STK35: variants seen among roughly 807,000 people sequenced by gnomAD.
The protein encoded by STK35 is serine/threonine kinase 35, also known as serine/threonine-protein kinase 35.
STK35 carries 17 observed loss-of-function variants against 37.3 expected under a neutral mutation model. The observed-to-expected ratio is 0.46, with a 90% confidence interval of 0.31 to 0.68. The LOEUF (loss-of-function observed/expected upper bound fraction) is 0.68, where lower values mean the gene tolerates loss of function less well. Among genes scored for constraint, STK35 ranks in the 30% least tolerant of loss-of-function variants. The pLI is 0.05. For missense variants in STK35, 595 were observed against 746.7 expected (o/e 0.80, Z 2.37); for synonymous variants, 385 against 319.1 (o/e 1.21, Z -2.20).
rs1042208949 is a variant in STK35 at position 2,102,969 on chromosome 20, C to CCGG, written c.507_509dup (p.Ala170dup). Reference sequence around the variant, plus strand: ...GCGGGCGCCCAGCACGAAGCTGAGGCCGGCGGCGGCGGCCCGGGCCATGGA... The same window carrying CCGG: ...GCGGGCGCCCAGCACGAAGCTGAGGCCGGCGGCGGCGGCGGCCCGGGCCATGGA... On this transcript the variant is annotated inframe_insertion, in exon 2 of 4. Coordinates refer to ENST00000381482, the MANE Select transcript of STK35 (RefSeq NM_080836.4). 66 of 1,431,668 alleles carry CCGG rather than the reference C, an allele frequency of 4.6e-5. No homozygotes were observed. The highest frequency in any genetic ancestry group is 8.5e-5 in the South Asian group (6 of 70,228). 88.7% of individuals were successfully genotyped at this position (1,431,668 alleles called of 1,614,324 possible).
intron 3 of STK35, among the ~76,000 whole-genome samples, chr20:2,141,959 T>G (rs191621321): frequency 2.9e-3 from 442 of 152,346 alleles, no homozygotes; most frequent in Non-Finnish European, 5.1e-3. Flanking sequence ...TAGGTTTATC[T>G]GTTAAGCTTG....
chr20:2,133,754 CT>C (rs11366861), intron 3 of STK35, among the ~76,000 whole-genome samples: 1,729 of 152,272 alleles, frequency 0.011, 37 homozygotes, highest in African/African-American at 0.04. Context: ...AATACTAGCA[CT>C]TTTGGCAGTA....
intron 1 of STK35, 54 bp from the exon 2 acceptor site, chr20:2,102,714 G>C: frequency 1.5e-6 from 2 of 1,316,440 alleles, no homozygotes; most frequent in Non-Finnish European, 1.9e-6. Flanking sequence ...CGCGGCCTAC[G>C]CTCCTGGCCT....
chr20:2,105,370 C>T (rs575705338), intron 2 of STK35, among the ~76,000 whole-genome samples: 3 of 152,244 alleles, frequency 2.0e-5, no homozygotes, highest in South Asian at 2.1e-4. Flanking sequence ...AGTTCATTGA[C>T]GCCAGTCTCG....
rs189593040 is a variant in STK35, at chr20:2,111,453, T to C, written c.893-5213T>C. Among the ~76,000 whole-genome samples the C allele has an allele frequency of 1.6e-3, 249 of 152,218 alleles. 1 individual carries two copies. The highest frequency in any genetic ancestry group is 5.7e-3 in the African/African-American group (236 of 41,528). On this transcript the variant is annotated intron_variant, in intron 2 of 3. Transcript: ENST00000381482. ...CTCATGCCTATAATTACCCAGTACT[T>C]AAGGAGGCTGAGGTGGAAGGATTGC...
chr20:2,113,012 G>A (rs963141062), intron 2 of STK35, among the ~76,000 whole-genome samples: 1 of 152,206 alleles, frequency 6.6e-6, no homozygotes, highest in African/African-American at 2.4e-5. Flanking sequence ...GGAGCCCACT[G>A]TGAGATGGGC....
chr20:2,130,936 C>G (rs899936062), intron 3 of STK35, among the ~76,000 whole-genome samples: 3 of 152,158 alleles, frequency 2.0e-5, no homozygotes, highest in Non-Finnish European at 4.4e-5. Context: ...GCCTGCTCAC[C>G]AGACCCCCTT....
chr20:2,102,124 AG>A lies in STK35; in HGVS notation c.247del (p.Ala83LeufsTer82). 7.1e-7 allele frequency: 1 copy of A among 1,406,418 alleles called. No homozygotes were observed. The highest frequency in any genetic ancestry group is 9.3e-7 in the Non-Finnish European group (1 of 1,079,894). 87.1% of individuals were successfully genotyped at this position (1,406,418 alleles called of 1,614,324 possible). On this transcript the variant is annotated frameshift_variant, in exon 1 of 4. Transcript: ENST00000381482. LOFTEE classifies it high-confidence loss of function. ...PGPGADHPQA[G>X]APGGKRAARK... is the part of the protein sequence containing the mutation. ...GGCCCGGAGCGGACCATCCCCAGGC[AG>A]GGGCTCCAGGGGGGAAACGGGCCGC...
At chr20:2,130,276 T>C (rs1288322488) in intron 3 of STK35, among the ~76,000 whole-genome samples, 1 of 152,174 alleles carries the variant, frequency 6.6e-6, no homozygotes, top group African/African-American at 2.4e-5. Flanking sequence ...ATCTCAGTTT[T>C]GCTGCGAACA....
In STK35 at chr20:2,103,034, G is replaced by T; in HGVS notation, c.561G>T (p.Ala187=). The T allele has an allele frequency of 6.8e-7, 1 of 1,474,426 alleles. No homozygotes were observed. The highest frequency in any genetic ancestry group is 8.9e-7 in the Non-Finnish European group (1 of 1,124,626). 91.3% of individuals were successfully genotyped at this position (1,474,426 alleles called of 1,614,324 possible). A position where few individuals can be genotyped will look rare whatever the true frequency, so the allele number is the denominator to read the frequency against. The part of the protein sequence containing the change: ...AAEAPGEAFL[A]RRRPEGGGGS... ...AGGCCCCGGGCGAGGCCTTCCTGGC[G>T]CGGCGACGGCCTGAGGGCGGTGGCG... is the stretch of plus-strand genomic sequence containing the variant. Residue 187 remains alanine (A), a synonymous_variant, in exon 2 of 4, where the codon GCG becomes GCT. Transcript: ENST00000381482.
Position 2,102,682 on chromosome 20 carries a change from G to GGGA in STK35, c.295-77_295-75dup, listed in dbSNP as rs954762504. On this transcript the variant is annotated intron_variant, in intron 1 of 3. Coordinates refer to ENST00000381482, the MANE Select transcript of STK35 (RefSeq NM_080836.4). ...GTCTTAAAGGGGCCGCGGCGGCCGG[G>GGGA]GGAGGAGGAGGTGGGACGCCCCGCG... The GGGA allele has an allele frequency of 9.6e-5, 118 of 1,227,440 alleles. No homozygotes were observed. In the South Asian group the frequency reaches 9.7e-4, roughly 10 times the overall value. The allele number at this position is 1,227,440 out of a possible 1,614,324, so 76.0% of individuals were successfully genotyped here. A position where few individuals can be genotyped will look rare whatever the true frequency, so the allele number is the denominator to read the frequency against.
chr20:2,103,892 G>GC (rs1985461449), intron 2 of STK35, among the ~76,000 whole-genome samples: 1 of 152,066 alleles, frequency 6.6e-6, no homozygotes, highest in African/African-American at 2.4e-5. Flanking sequence ...TTCCTCTGAG[G>GC]CCCCCGGCCC....
At chr20:2,130,268 C>T (rs1985976428) in intron 3 of STK35, among the ~76,000 whole-genome samples, 1 of 152,154 alleles carries the variant, frequency 6.6e-6, no homozygotes, top group African/African-American at 2.4e-5. Context: ...ACTGTTGGAT[C>T]TCAGTTTTGC....
chr20:2,140,067 G>A (rs1348216534), intron 3 of STK35, among the ~76,000 whole-genome samples: 1 of 152,156 alleles, frequency 6.6e-6, no homozygotes, highest in Non-Finnish European at 1.5e-5. Context: ...TCTGGTGTGG[G>A]GCAAGTTGCT....
chr20:2,116,652 C>G lies in STK35; in HGVS notation c.893-14C>G. 1.9e-6 allele frequency: 3 copies of G among 1,604,736 alleles called. No individual in the cohort carries two copies. The highest frequency in any genetic ancestry group is 2.6e-6 in the Non-Finnish European group (3 of 1,174,008). On this transcript the variant is annotated splice_polypyrimidine_tract_variant and intron_variant, in intron 2 of 3. Transcript: ENST00000381482. The stretch of plus-strand genomic sequence containing the variant: ...CCATCTCACTCAAGCTCCTTCCTGT[C>G]TTCTTTGATTTAGGAGAAAGGATCC...
In STK35 at chr20:2,102,098, G is replaced by C; in HGVS notation, c.217G>C (p.Gly73Arg). Residue 73 changes from glycine (G) to arginine (R), a missense_variant, in exon 1 of 4, where the codon GGG (glycine) becomes CGG (arginine). This residue lies in a region of STK35 where 389 missense variants were observed against 320.0 expected (regional missense o/e 1.22). Coordinates refer to ENST00000381482, the MANE Select transcript of STK35 (RefSeq NM_080836.4). ...CGCTGCTCGGTCCCGGAGGCAGCCCGGGCCCGGAGCGGACCATCCCCAGGC... is the reference window on the plus strand; with the variant it reads ...CGCTGCTCGGTCCCGGAGGCAGCCCCGGCCCGGAGCGGACCATCCCCAGGC... ...SRAARSRRQP[G>R]PGADHPQAGA... is the part of the protein sequence containing the mutation. 3.4e-6 allele frequency: 5 copies of C among 1,473,688 alleles called. No homozygotes were observed. In the South Asian group the frequency reaches 5.0e-5, roughly 15 times the overall value. The allele number at this position is 1,473,688 out of a possible 1,614,324, so 91.3% of individuals were successfully genotyped here.
intron 3 of STK35, among the ~76,000 whole-genome samples, chr20:2,139,219 T>G (rs932232359): frequency 1.4e-4 from 22 of 152,098 alleles, no homozygotes; most frequent in Non-Finnish European, 2.8e-4. Context: ...CTCCCAGGCT[T>G]CTGTTCTCCA....
intron 3 of STK35, among the ~76,000 whole-genome samples, chr20:2,131,736 A>G (rs1418713249): frequency 6.6e-6 from 1 of 152,162 alleles, no homozygotes; most frequent in African/African-American, 2.4e-5. Flanking sequence ...CACAAACATA[A>G]GACAGGGTCG....
At chr20:2,133,863 G>C (rs1385048749) in intron 3 of STK35, among the ~76,000 whole-genome samples, 1 of 152,164 alleles carries the variant, frequency 6.6e-6, no homozygotes, top group African/African-American at 2.4e-5. Context: ...TGACTTTCTG[G>C]CACACTTGAG....
Sources: gnomAD v4.1 joint callset for allele counts (sites outside exome capture counted in the v4.1 genomes callset) on GRCh38, gnomAD v4.1.1 for gene constraint, gnomAD v4.1.1 regional missense constraint, MANE v1.5 for transcripts, NCBI Gene and HGNC (gene_info 2026-07-23, HGNC 2026-07-21) for gene names.